The following DNAJC5B variants were observed in gnomAD, a reference collection of about 807,000 sequenced individuals.
The protein encoded by DNAJC5B is dnaJ homolog subfamily C member 5B.
In DNAJC5B, 23 loss-of-function variants were observed where a neutral mutation model predicts 24.7. The ratio of observed to expected loss-of-function variants is 0.93; its 90% CI spans 0.67 to 1.32. The LOEUF (loss-of-function observed/expected upper bound fraction) is 1.32. Ranked by LOEUF, DNAJC5B falls within the 40% of genes most tolerant of loss-of-function variation. The pLI, the probability that DNAJC5B is intolerant of heterozygous loss-of-function variation, is 0.00. For missense variants in DNAJC5B, 238 were observed against 240.8 expected (o/e 0.99, Z 0.08); for synonymous variants, 101 against 90.1 (o/e 1.12, Z -0.68).
At chr8:66,050,898 A>G (rs1393920473) in intron 2 of DNAJC5B, among the ~76,000 whole-genome samples, 1 of 152,214 alleles carries the variant, frequency 6.6e-6, no homozygotes, top group Admixed American at 6.5e-5. Context: ...GTGTACATAC[A>G]TGGTGGAATG....
At chr8:66,035,994 C>G (rs1806476062) in intron 1 of DNAJC5B, among the ~76,000 whole-genome samples, 1 of 152,172 alleles carries the variant, frequency 6.6e-6, no homozygotes, top group African/African-American at 2.4e-5. Context: ...AAATGGCAAT[C>G]AGGGGTTGTA....
intron 2 of DNAJC5B, among the ~76,000 whole-genome samples, chr8:66,049,531 C>A (rs1806799627): frequency 6.6e-6 from 1 of 152,286 alleles, no homozygotes; most frequent in South Asian, 2.1e-4. Context: ...GAGCAATAGG[C>A]TATACCATAT....
chr8:66,072,817 C>A (rs1028357449), intron 3 of DNAJC5B, among the ~76,000 whole-genome samples: 13 of 152,080 alleles, frequency 8.5e-5, no homozygotes, highest in African/African-American at 2.7e-4. Flanking sequence ...ACATAATGAC[C>A]AAACTGAGTT....
intron 5 of DNAJC5B, among the ~76,000 whole-genome samples, chr8:66,089,495 T>A (rs1422571666): frequency 6.6e-6 from 1 of 152,220 alleles, no homozygotes; most frequent in Non-Finnish European, 1.5e-5. Context: ...ATAAAAACTA[T>A]TAGAAATATT....
intron 5 of DNAJC5B, among the ~76,000 whole-genome samples, chr8:66,097,996 C>A (rs1030845811): frequency 4.0e-5 from 6 of 151,318 alleles, no homozygotes; most frequent in Non-Finnish European, 2.9e-5. Context: ...CTTACAGGCA[C>A]CTGCCACCAG....
intron 2 of DNAJC5B, among the ~76,000 whole-genome samples, chr8:66,048,625 T>C (rs949490669): frequency 3.9e-5 from 6 of 152,130 alleles, no homozygotes; most frequent in Non-Finnish European, 8.8e-5. Context: ...TCCTCCCTCG[T>C]CTTTCAGTCC....
At chr8:66,030,753 C>T (rs1340313750) in intron 1 of DNAJC5B, among the ~76,000 whole-genome samples, 1 of 152,214 alleles carries the variant, frequency 6.6e-6, no homozygotes, top group African/African-American at 2.4e-5. Flanking sequence ...TCTTGTGCCT[C>T]AGCCTCCCGA....
intron 3 of DNAJC5B, among the ~76,000 whole-genome samples, chr8:66,072,409 A>G (rs537558547): frequency 4.6e-5 from 7 of 152,202 alleles, no homozygotes; most frequent in Non-Finnish European, 1.0e-4. Context: ...ATTAACAAAC[A>G]AAATCAAAAA....
At chr8:66,029,575 CAGTT>C (rs1806317035) in intron 1 of DNAJC5B, among the ~76,000 whole-genome samples, 1 of 152,148 alleles carries the variant, frequency 6.6e-6, no homozygotes, top group African/African-American at 2.4e-5. Context: ...AAAGGACTGT[CAGTT>C]AGGAGGCTGG....
chr8:66,045,413 T>A (rs922045170), intron 2 of DNAJC5B, among the ~76,000 whole-genome samples: 1 of 152,262 alleles, frequency 6.6e-6, no homozygotes, highest in Admixed American at 6.5e-5. Context: ...AGTTGGCTAC[T>A]GGAATTTCAT....
intron 3 of DNAJC5B, among the ~76,000 whole-genome samples, chr8:66,064,834 C>A (rs780887399): frequency 3.3e-5 from 5 of 152,116 alleles, no homozygotes; most frequent in Non-Finnish European, 7.4e-5. Context: ...TGGTGTTGGA[C>A]ATGTATTTTA....
rs1334797005 is a variant in DNAJC5B at position 66,100,106 on chromosome 8, T to C, written c.*75T>C. On this transcript the variant is annotated 3_prime_UTR_variant, in exon 6 of 6. Coordinates refer to ENST00000276570, the MANE Select transcript of DNAJC5B (RefSeq NM_033105.6). ...CTCCAGATGGTCGTAGGGGAGCGTG[T>C]GGGGCATAAAGTGCTGTGAACTTTT... is the stretch of plus-strand genomic sequence containing the variant. 4 of 1,314,710 alleles carry C rather than the reference T, an allele frequency of 3.0e-6. No individual in the cohort carries two copies. The East Asian group carries it at 7.2e-5, about 24-fold the overall frequency. 81.4% of individuals were successfully genotyped at this position (1,314,710 alleles called of 1,614,324 possible). A position where few individuals can be genotyped will look rare whatever the true frequency, so the allele number is the denominator to read the frequency against.
chr8:66,019,605 C>T (rs530545139), upstream of DNAJC5B, among the ~76,000 whole-genome samples: 2 of 152,158 alleles, frequency 1.3e-5, no homozygotes, highest in South Asian at 2.1e-4. Context: ...ATAAAAAATA[C>T]CTTTAAATAA....
chr8:66,080,758 G>A (rs980964794), intron 5 of DNAJC5B, among the ~76,000 whole-genome samples: 4 of 152,122 alleles, frequency 2.6e-5, no homozygotes, highest in Admixed American at 1.3e-4. Flanking sequence ...GCCTGATGCC[G>A]TTAGAAAGAA....
intron 2 of DNAJC5B, among the ~76,000 whole-genome samples, chr8:66,049,840 G>C (rs1255687034): frequency 6.6e-6 from 1 of 152,210 alleles, no homozygotes; most frequent in East Asian, 1.9e-4. Flanking sequence ...ATGCTCCTCT[G>C]TGCCTTGTTA....
At chr8:66,083,160 T>C (rs569554352) in intron 5 of DNAJC5B, among the ~76,000 whole-genome samples, 1 of 151,894 alleles carries the variant, frequency 6.6e-6, no homozygotes, top group Non-Finnish European at 1.5e-5. Context: ...TACAGGCATG[T>C]GCCACCACAC....
chr8:66,051,533 T>A lies in DNAJC5B; in HGVS notation c.-15T>A. On this transcript the variant is annotated splice_region_variant and 5_prime_UTR_variant, in exon 3 of 6. In the 5' UTR this introduces an upstream ATG that the reference lacks. Coordinates refer to ENST00000276570, the MANE Select transcript of DNAJC5B (RefSeq NM_033105.6). ...CATGGCTATTTTCTCCCCTTTAGTT[T>A]TGCAGCCTTAGAAAATGGCATGTAA... 6.3e-7 allele frequency: 1 copy of A among 1,595,612 alleles called. No individual in the cohort carries two copies. The highest frequency in any genetic ancestry group is 8.6e-7 in the Non-Finnish European group (1 of 1,165,440).
At chr8:66,077,636 G>T (rs1188025354) in intron 4 of DNAJC5B, among the ~76,000 whole-genome samples, 1 of 152,098 alleles carries the variant, frequency 6.6e-6, no homozygotes, top group African/African-American at 2.4e-5. Flanking sequence ...TTTGTGGACG[G>T]TTCACATTCA....
At chr8:66,036,112 C>T (rs1395214476) in intron 1 of DNAJC5B, among the ~76,000 whole-genome samples, 1 of 152,154 alleles carries the variant, frequency 6.6e-6, no homozygotes, top group Non-Finnish European at 1.5e-5. Context: ...ATGAGCTGGC[C>T]AAGGAAAACC....
Sources: gnomAD v4.1 joint callset for allele counts (sites outside exome capture counted in the v4.1 genomes callset) on GRCh38, gnomAD v4.1.1 for gene constraint, MANE v1.5 for transcripts, NCBI Gene and HGNC (gene_info 2026-07-23, HGNC 2026-07-21) for gene names.